Variants in OPHN1 observed in about 807,000 individuals in gnomAD.
OPHN1 encodes the protein oligophrenin-1.
A neutral mutation model predicts 60.7 loss-of-function variants in OPHN1; 11 were observed. The observed-to-expected ratio is 0.18, with a 90% CI of 0.11 to 0.30. OPHN1 has a LOEUF of 0.30. Ranked by LOEUF, OPHN1 falls within the 10% of genes least tolerant of loss-of-function variation. The pLI is 1.00. For missense variants in OPHN1, 449 were observed against 611.0 expected (o/e 0.73, Z 2.80); for synonymous variants, 226 against 222.6 (o/e 1.02, Z -0.14).
intron 2 of OPHN1, among the ~76,000 whole-genome samples, chrX:68,370,046 A>ATATAT (rs1459985342): frequency 3.2e-5 from 3 of 94,296 alleles, no homozygotes; most frequent in African/African-American, 4.3e-5. Context: ...ATATATATAG[A>ATATAT]ACCTGTCAAC....
intron 15 of OPHN1, among the ~76,000 whole-genome samples, chrX:68,174,801 TGGCCG>T (rs1469590674): frequency 9.1e-6 from 1 of 110,415 alleles, no homozygotes; most frequent in Non-Finnish European, 1.9e-5. Context: ...TCCAAAAAAA[TGGCCG>T]GGCACAGTGG....
chrX:68,158,580 G>C (rs2077320435), intron 15 of OPHN1, among the ~76,000 whole-genome samples: 1 of 112,055 alleles, frequency 8.9e-6, no homozygotes, highest in African/African-American at 3.2e-5. Flanking sequence ...ACGGCAAATG[G>C]AGAAACATTT....
At chrX:68,310,640 T>TC (rs1418744124) in intron 2 of OPHN1, among the ~76,000 whole-genome samples, 1 of 111,266 alleles carries the variant, frequency 9.0e-6, no homozygotes, top group Non-Finnish European at 1.9e-5. Flanking sequence ...AAAAGTAATT[T>TC]TTAAATATGA....
chrX:68,273,792 A>C (rs1217534427), intron 5 of OPHN1, among the ~76,000 whole-genome samples: 1 of 112,222 alleles, frequency 8.9e-6, no homozygotes, highest in East Asian at 2.8e-4. Context: ...TAACCACATC[A>C]GTCTGTTCTA....
At chrX:68,272,413 A>G (rs1244652250) in intron 5 of OPHN1, among the ~76,000 whole-genome samples, 1 of 112,601 alleles carries the variant, frequency 8.9e-6, no homozygotes, top group Non-Finnish European at 1.9e-5. Context: ...CAGTGCAGGC[A>G]TGGGCCATAG....
intron 2 of OPHN1, among the ~76,000 whole-genome samples, chrX:68,422,790 G>C (rs187503853): frequency 7.5e-4 from 21 of 28,070 alleles, no homozygotes; most frequent in Non-Finnish European, 2.3e-3. Flanking sequence ...AGAGAGAGAG[G>C]GAGGGAGGGA....
At chrX:68,221,474 A>T (rs1316018221) in intron 6 of OPHN1, among the ~76,000 whole-genome samples, 1 of 73,064 alleles carries the variant, frequency 1.4e-5, no homozygotes, top group African/African-American at 4.9e-5. Context: ...TCGCCAAGTC[A>T]ATCCTAAGCC....
At chrX:68,127,128 GA>G (rs1171148684) in intron 15 of OPHN1, among the ~76,000 whole-genome samples, 3 of 110,740 alleles carry the variant, frequency 2.7e-5, no homozygotes, top group African/African-American at 9.9e-5. Flanking sequence ...AGATGAAGAA[GA>G]AAAAAAGTTT....
chrX:68,113,277 A>G, intron 16 of OPHN1, 38 bp from the exon 17 acceptor site: 1 of 1,106,716 alleles, frequency 9.0e-7, no homozygotes. Flanking sequence ...TTTGGGAAGA[A>G]AGCAGCTGGG....
At chrX:68,312,899 A>G (rs940016258) in intron 2 of OPHN1, among the ~76,000 whole-genome samples, 1 of 111,317 alleles carries the variant, frequency 9.0e-6, no homozygotes, top group Admixed American at 9.6e-5. Context: ...TGAGTCAAGG[A>G]GCTCAAGACC....
At chrX:68,146,720 A>G (rs2077265377) in intron 15 of OPHN1, among the ~76,000 whole-genome samples, 1 of 112,498 alleles carries the variant, frequency 8.9e-6, no homozygotes, top group Non-Finnish European at 1.9e-5. Flanking sequence ...TTGCCATGCC[A>G]TAAATGGAAA....
chrX:68,209,862 C>T (rs1256766032), intron 9 of OPHN1, among the ~76,000 whole-genome samples: 1 of 111,450 alleles, frequency 9.0e-6, no homozygotes, highest in African/African-American at 3.3e-5. Flanking sequence ...CTCTACTTCC[C>T]TTTTTTCCAA....
intron 18 of OPHN1, among the ~76,000 whole-genome samples, chrX:68,100,729 T>A (rs1404050381): frequency 9.0e-6 from 1 of 110,601 alleles, no homozygotes; most frequent in Non-Finnish European, 1.9e-5. Context: ...GCCTTTTTTT[T>A]ATTTTTTATT....
chrX:68,343,065 G>C (rs961607252), intron 2 of OPHN1, among the ~76,000 whole-genome samples: 4 of 110,867 alleles, frequency 3.6e-5, no homozygotes, highest in Admixed American at 1.9e-4. Context: ...CTGAAGTCAG[G>C]AGTTCGAGAT....
chrX:68,160,397 T>C (rs1442698975), intron 15 of OPHN1, among the ~76,000 whole-genome samples: 1 of 111,130 alleles, frequency 9.0e-6, no homozygotes, highest in African/African-American at 3.3e-5. Context: ...GAATAGGAAA[T>C]AGAAGACATT....
At chrX:68,340,600 C>G (rs1401282047) in intron 2 of OPHN1, among the ~76,000 whole-genome samples, 1 of 111,790 alleles carries the variant, frequency 8.9e-6, no homozygotes, top group Non-Finnish European at 1.9e-5. Context: ...CTATAATACT[C>G]TTAAAAGAAA....
intron 2 of OPHN1, among the ~76,000 whole-genome samples, chrX:68,304,852 A>C (rs1471478507): frequency 1.8e-5 from 2 of 111,172 alleles, no homozygotes; most frequent in Non-Finnish European, 3.8e-5. Context: ...CTACCCCCAG[A>C]AAATTGCCAT....
At position 68,063,873 on chromosome X, in the gene OPHN1, G is replaced by A. The variant is rs1457764717; in HGVS notation, c.2139C>T (p.Pro713=). ...ACTTACCCTCCTTGTGGTGGGCCAG[G>A]GGCCGGGGAGCTGGTCTCTTTATGT... ...SFHIKRPAPR[P]LAHHKEGDAD... Residue 713 remains proline (P), a synonymous_variant, in exon 21 of 25, where the codon CCC becomes CCT. Coordinates refer to ENST00000355520, the MANE Select transcript of OPHN1 (RefSeq NM_002547.3). 3 of 1,168,529 alleles carry A rather than the reference G, an allele frequency of 2.6e-6. No individual in the cohort carries two copies. The highest frequency in any genetic ancestry group is 3.1e-5 in the East Asian group (1 of 32,208).
intron 15 of OPHN1, among the ~76,000 whole-genome samples, chrX:68,152,299 CAA>C (rs1167426351): frequency 1.8e-5 from 2 of 110,728 alleles, no homozygotes; most frequent in Non-Finnish European, 3.8e-5. Context: ...CCCAAATTGA[CAA>C]AGTTTCTTGT....
Sources: allele counts gnomAD v4.1 joint callset (sites outside exome capture counted in the v4.1 genomes callset), GRCh38; gene constraint gnomAD v4.1.1; transcripts MANE v1.5; gene names NCBI Gene and HGNC (gene_info 2026-07-23, HGNC 2026-07-21).